The following XAB2 variants were observed in gnomAD, a reference collection of about 807,000 sequenced individuals.
The protein encoded by XAB2 is pre-mRNA-splicing factor SYF1.
In XAB2, 57 loss-of-function variants were observed where a neutral mutation model predicts 113.4. The observed-to-expected ratio is 0.50, with a 90% CI of 0.41 to 0.63. The LOEUF is 0.63. Ranked by LOEUF, XAB2 falls within the 20% of genes least tolerant of loss-of-function variation. The pLI, the probability that XAB2 is intolerant of heterozygous loss-of-function variation, is 0.00. For missense variants in XAB2, 1,037 were observed against 1,233.3 expected, an observed-to-expected ratio of 0.84 and a Z score of 2.38; for synonymous variants, 497 against 498.8, an observed-to-expected ratio of 1.00 and a Z score of 0.05.
rs565468851 is a variant in XAB2, at chr19:7,627,234, T to C, written c.522+9A>G. The stretch of plus-strand genomic sequence containing the variant: ...TAACCTGGGGAACCAGCGCACCTGC[T>C]AGGCTCACCTTGAGGAAGCGCCGAT... On this transcript the variant is annotated intron_variant, in intron 4 of 18. Coordinates refer to ENST00000358368, the MANE Select transcript of XAB2 (RefSeq NM_020196.3). The surrounding 1 kb of genome is among the most constrained non-coding windows in gnomAD (Gnocchi z 4.5). The C allele has an allele frequency of 1.2e-6, 2 of 1,611,226 alleles. No homozygotes were observed. Among genetic ancestry groups the C allele is most frequent in the Non-Finnish European group, 1.7e-6 (2 of 1,179,842 alleles).
At position 7,619,628 on chromosome 19, in the gene XAB2, C is replaced by T; in HGVS notation, c.2526G>A (p.Gln842=). ...TCCCAAACACTGCGGCTGGCACGCT[C>T]TGCTGCTCCAGCCGAACCTCTGTGG... ...LEPNEVRLEQ[Q]SVPAAVFGSL... is the part of the protein sequence containing the mutation. The change falls in exon 19 of 19, where the codon CAG becomes CAA. Residue 842 remains glutamine, a synonymous_variant. Coordinates refer to ENST00000358368, the MANE Select transcript of XAB2 (RefSeq NM_020196.3). 1 of 1,603,966 alleles carries T rather than the reference C, an allele frequency of 6.2e-7. No homozygotes were observed. Among genetic ancestry groups the T allele is most frequent in the East Asian group, 2.2e-5 (1 of 44,798 alleles).
intron 12 of XAB2, chr19:7,621,605 G>A: frequency 2.3e-6 from 1 of 427,174 alleles, no homozygotes; most frequent in Non-Finnish European, 4.3e-6. Context: ...TGTCCCCAGG[G>A]AGAAGGCCGC....
Position 7,621,196 on chromosome 19 carries a change from C to T in XAB2, c.1719G>A (p.Leu573=), listed in dbSNP as rs765818997. ...GTTCAAACAGGTCCCGTGCCCGCTC[C>T]AGCTTGCGGCCCCCATAGCGGGCAA... ...KFIARYGGRK[L]ERARDLFEQA... The change falls in exon 13 of 19, where the codon CTG becomes CTA. Residue 573 remains leucine, a synonymous_variant. Coordinates refer to ENST00000358368, the MANE Select transcript of XAB2 (RefSeq NM_020196.3). 1.2e-6 allele frequency: 2 copies of T among 1,613,160 alleles called. No homozygotes were observed. The highest frequency in any genetic ancestry group is 1.3e-5 in the African/African-American group (1 of 75,024).
rs912926852 is a variant in XAB2, at chr19:7,625,030, G to C, written c.823-585C>G. On this transcript the variant is annotated intron_variant, in intron 6 of 18. Transcript: ENST00000358368. The surrounding 1 kb of genome is among the most constrained non-coding windows in gnomAD (Gnocchi z 5.2). Reference sequence around the variant, plus strand: ...GCATACCGCCCACACCCCACTGGCGGCTCCCCCAGCCAGGAGCATGGCCAG... The same window carrying C: ...GCATACCGCCCACACCCCACTGGCGCCTCCCCCAGCCAGGAGCATGGCCAG... Among the ~76,000 whole-genome samples, 1 of 152,238 alleles carries C rather than the reference G, an allele frequency of 6.6e-6. No individual in the cohort carries two copies. Among genetic ancestry groups the C allele is most frequent in the Non-Finnish European group, 1.5e-5 (1 of 68,028 alleles).
In XAB2 at chr19:7,623,919, C is replaced by T. The variant is rs759478229; in HGVS notation, c.968-37G>A. 2.6e-5 allele frequency: 39 copies of T among 1,507,876 alleles called. No individual in the cohort carries two copies. Among genetic ancestry groups the T allele is most frequent in the Non-Finnish European group, 3.3e-5 (37 of 1,130,496 alleles). The allele number at this position is 1,507,876 out of a possible 1,614,324, so 93.4% of individuals were successfully genotyped here. A position where few individuals can be genotyped will look rare whatever the true frequency, so the allele number is the denominator to read the frequency against. On this transcript the variant is annotated intron_variant, in intron 7 of 18. Transcript: ENST00000358368. The surrounding 1 kb of genome is among the most constrained non-coding windows in gnomAD (Gnocchi z 4.6). ...GAACATGTTTGTCAGGGGCGGAGAC[C>T]CAGGATGCAGGTCCCCGGATGCCAC...
chr19:7,619,727 C>A lies in XAB2; in HGVS notation c.2506+20G>T, dbSNP rs368839409. The A allele has an allele frequency of 1.2e-6, 2 of 1,612,924 alleles. No individual in the cohort carries two copies. Among genetic ancestry groups the A allele is most frequent in the Admixed American group, 1.7e-5 (1 of 59,976 alleles). On this transcript the variant is annotated intron_variant, in intron 18 of 18. Coordinates refer to ENST00000358368, the MANE Select transcript of XAB2 (RefSeq NM_020196.3). ...CCCACCCTGGTAATGCCACCGTCCC[C>A]GCCCCAGCCGGGCCCTCACCGTTGG...
chr19:7,627,298 A>C lies in XAB2; in HGVS notation c.467T>G (p.Leu156Arg). ...TGTCTCAGGCAGTGGGTGTGAGCGCAGGAAGCGCAGATACAGGGGCCAAAT... is the reference window on the plus strand; with the variant it reads ...TGTCTCAGGCAGTGGGTGTGAGCGCCGGAAGCGCAGATACAGGGGCCAAAT... ...SRIWPLYLRFLRSHPLPETAV... is the reference protein window; with the variant it reads ...SRIWPLYLRFRRSHPLPETAV... Residue 156 changes from leucine to arginine, a missense_variant, in exon 4 of 19, where the codon CTG (leucine) becomes CGG (arginine). Physicochemically the swap from Leu to Arg is moderately radical, Grantham distance 102. Coordinates refer to ENST00000358368, the MANE Select transcript of XAB2 (RefSeq NM_020196.3). The surrounding 1 kb of genome is among the most constrained non-coding windows in gnomAD (Gnocchi z 4.5). The C allele has an allele frequency of 6.2e-7, 1 of 1,613,772 alleles. No individual in the cohort carries two copies. The highest frequency in any genetic ancestry group is 8.5e-7 in the Non-Finnish European group (1 of 1,180,036).
In XAB2 at chr19:7,626,063, TG is replaced by T; in HGVS notation, c.658-20del. The T allele has an allele frequency of 6.2e-7, 1 of 1,608,174 alleles. No individual in the cohort carries two copies. The highest frequency in any genetic ancestry group is 8.5e-7 in the Non-Finnish European group (1 of 1,175,644). On this transcript the variant is annotated intron_variant, in intron 5 of 18. Coordinates refer to ENST00000358368, the MANE Select transcript of XAB2 (RefSeq NM_020196.3). ...GCCACAGCTGCAGGGCATGGGGCAG[TG>T]GGGGAGAGTCTCAGGCTCAGTCATG...
chr19:7,620,627 C>T lies in XAB2; in HGVS notation c.2014G>A (p.Ala672Thr). 1 of 1,613,218 alleles carries T rather than the reference C, an allele frequency of 6.2e-7. No homozygotes were observed. The highest frequency in any genetic ancestry group is 2.2e-5 in the East Asian group (1 of 44,872). Reference protein sequence around the residue: ...EHAREMCLRFADMECKLGEID... With the variant: ...EHAREMCLRFTDMECKLGEID... ...TCCCCGAGCTTGCACTCCATGTCTG[C>T]AAACCGCAGGCACATCTCACGCGCG... is the stretch of plus-strand genomic sequence containing the variant. The change falls in exon 15 of 19, where the codon GCA (alanine) becomes ACA (threonine). Residue 672 changes from alanine (A) to threonine (T), a missense_variant. Physicochemically the swap from Ala to Thr is moderately conservative, Grantham distance 58 (BLOSUM62 0). Coordinates refer to ENST00000358368, the MANE Select transcript of XAB2 (RefSeq NM_020196.3).
At position 7,622,907 on chromosome 19, in the gene XAB2, C is replaced by A; in HGVS notation, c.1240-14G>T. The A allele has an allele frequency of 1.2e-6, 2 of 1,612,448 alleles. No individual in the cohort carries two copies. Among genetic ancestry groups the A allele is most frequent in the Non-Finnish European group, 1.7e-6 (2 of 1,179,476 alleles). ...GATGACACGGGCCTGCCGGGGCGGGCAGAGGCGAGGCTGAGACCCTGCCCA... is the reference window on the plus strand; with the variant it reads ...GATGACACGGGCCTGCCGGGGCGGGAAGAGGCGAGGCTGAGACCCTGCCCA... On this transcript the variant is annotated splice_polypyrimidine_tract_variant and intron_variant, in intron 9 of 18. Transcript: ENST00000358368.
rs777313247 is a variant in XAB2 at position 7,619,569 on chromosome 19, G to C, written c.*17C>G. The C allele has an allele frequency of 3.5e-6, 3 of 855,928 alleles. No individual in the cohort carries two copies. Among genetic ancestry groups the C allele is most frequent in the South Asian group, 4.7e-5 (2 of 42,872 alleles). The allele number at this position is 855,928 out of a possible 1,614,324, so 53.0% of individuals were successfully genotyped here. ...TATTGGGGAGGGGGTGGGGAGGGGG[G>C]ATGGGGGAGGGACGGGTCAGTCTTC... On this transcript the variant is annotated 3_prime_UTR_variant, in exon 19 of 19. Coordinates refer to ENST00000358368, the MANE Select transcript of XAB2 (RefSeq NM_020196.3).
In XAB2 at chr19:7,628,206, G is replaced by C. The variant is rs1192188620; in HGVS notation, c.144C>G (p.Ala48=). ...WLRYIEFKQG[A]PKPRLNQLYE... ...ATAGCTGATTGAGCCTGGGCTTCGG[G>C]GCGCCCTGTTTGAACTCGATGTAGC... is the stretch of plus-strand genomic sequence containing the variant. The change falls in exon 2 of 19, where the codon GCC becomes GCG. Residue 48 remains alanine, a synonymous_variant. Transcript: ENST00000358368. This position sits in a 1 kb window ranked among gnomAD's most constrained non-coding sequence, Gnocchi z 4.6. The C allele has an allele frequency of 6.2e-7, 1 of 1,614,068 alleles. No homozygotes were observed. The highest frequency in any genetic ancestry group is 1.7e-5 in the Admixed American group (1 of 60,024).
In XAB2 at chr19:7,628,841, G is replaced by A. The variant is rs774673034; in HGVS notation, c.52-543C>T. Among the ~76,000 whole-genome samples, 1 of 152,166 alleles carries A rather than the reference G, an allele frequency of 6.6e-6. No individual in the cohort carries two copies. The highest frequency in any genetic ancestry group is 1.5e-5 in the Non-Finnish European group (1 of 68,032). ...CGCCCCCAGGATCCCACTAGCCAGCGTCTAGCTCAACTCTGCCCCAGAAAT... is the reference window on the plus strand; with the variant it reads ...CGCCCCCAGGATCCCACTAGCCAGCATCTAGCTCAACTCTGCCCCAGAAAT... On this transcript the variant is annotated intron_variant, in intron 1 of 18. Coordinates refer to ENST00000358368, the MANE Select transcript of XAB2 (RefSeq NM_020196.3). This position sits in a 1 kb window ranked among gnomAD's most constrained non-coding sequence, Gnocchi z 4.6.
chr19:7,622,304 G>T (rs1161451519), intron 12 of XAB2, 27 bp downstream of exon 12: 18 of 1,610,670 alleles, frequency 1.1e-5, no homozygotes, highest in Non-Finnish European at 1.5e-5. Context: ...GCCATCAGGG[G>T]CCTCTGGGTC....
chr19:7,627,151 G>T lies in XAB2; in HGVS notation c.522+92C>A. ...CTCCAGGAGCCTCTTCCCACATCCC[G>T]TCTGCTGGGTGACATCCTACGCGGA... On this transcript the variant is annotated intron_variant, in intron 4 of 18. Transcript: ENST00000358368. The surrounding 1 kb of genome is among the most constrained non-coding windows in gnomAD (Gnocchi z 4.5). 7.0e-7 allele frequency: 1 copy of T among 1,428,150 alleles called. No homozygotes were observed. The highest frequency in any genetic ancestry group is 9.6e-7 in the Non-Finnish European group (1 of 1,037,662). 88.5% of individuals were successfully genotyped at this position (1,428,150 alleles called of 1,614,324 possible).
At chr19:7,620,119 C>G (rs1445785385) in intron 16 of XAB2, 44 bp from the exon 17 acceptor site, 2 of 1,602,734 alleles carry the variant, frequency 1.2e-6, no homozygotes, top group African/African-American at 2.7e-5. Flanking sequence ...GGGCCCCTCC[C>G]ACACATCGGA....
At chr19:7,620,716 G>A (rs746085280) in intron 14 of XAB2, 47 bp from the exon 15 acceptor site, 39 of 1,605,374 alleles carry the variant, frequency 2.4e-5, no homozygotes, top group Admixed American at 1.7e-4. Flanking sequence ...GGGGTAGCTC[G>A]GGGGCTCCCA....
At position 7,623,411 on chromosome 19, in the gene XAB2, G is replaced by T; in HGVS notation, c.1120-122C>A. 2 of 1,318,672 alleles carry T rather than the reference G, an allele frequency of 1.5e-6. No homozygotes were observed. The highest frequency in any genetic ancestry group is 2.1e-6 in the Non-Finnish European group (2 of 956,364). The allele number at this position is 1,318,672 out of a possible 1,614,324, so 81.7% of individuals were successfully genotyped here. A position where few individuals can be genotyped will look rare whatever the true frequency, so the allele number is the denominator to read the frequency against. On this transcript the variant is annotated intron_variant, in intron 8 of 18. Coordinates refer to ENST00000358368, the MANE Select transcript of XAB2 (RefSeq NM_020196.3). The surrounding 1 kb of genome is among the most constrained non-coding windows in gnomAD (Gnocchi z 4.6). ...CTGTGGCCCCTGTCGGGAGAGGCCA[G>T]AAACGAACTATGGCCCTTGACAATG...
chr19:7,626,064 G>T lies in XAB2; in HGVS notation c.658-20C>A, dbSNP rs374938978. 2 of 1,608,446 alleles carry T rather than the reference G, an allele frequency of 1.2e-6. No homozygotes were observed. Among genetic ancestry groups the T allele is most frequent in the African/African-American group, 2.7e-5 (2 of 75,014 alleles). On this transcript the variant is annotated intron_variant, in intron 5 of 18. Transcript: ENST00000358368. Reference sequence around the variant, plus strand: ...CCACAGCTGCAGGGCATGGGGCAGTGGGGGAGAGTCTCAGGCTCAGTCATG... The same window carrying T: ...CCACAGCTGCAGGGCATGGGGCAGTTGGGGAGAGTCTCAGGCTCAGTCATG...
Sources: gnomAD v4.1 joint callset for allele counts (sites outside exome capture counted in the v4.1 genomes callset) on GRCh38, gnomAD v4.1.1 for gene constraint, Gnocchi (gnomAD v3.1) non-coding constraint, MANE v1.5 for transcripts, NCBI Gene and HGNC (gene_info 2026-07-23, HGNC 2026-07-21) for gene names.